IGSF10: variants seen among roughly 807,000 people sequenced by gnomAD.
IGSF10 encodes the protein calvaria mechanical force protein 608.
Under a neutral mutation model 128.2 loss-of-function variants are expected in IGSF10, and 126 were observed. The observed-to-expected ratio is 0.98, with a 90% CI of 0.85 to 1.14. The LOEUF (loss-of-function observed/expected upper bound fraction) is 1.14, where lower values mean the gene tolerates loss of function less well. Among genes scored for constraint, IGSF10 ranks in the 50% most tolerant of loss-of-function variants. IGSF10 has a pLI of 0.00. For missense variants in IGSF10, 3,295 were observed against 3,149.8 expected (o/e 1.05, Z -1.10); for synonymous variants, 1,185 against 1,146.2 (o/e 1.03, Z -0.68).
chr3:151,465,659 T>G (rs1274178288), upstream of IGSF10, among the ~76,000 whole-genome samples: 1 of 152,248 alleles, frequency 6.6e-6, no homozygotes, highest in African/African-American at 2.4e-5. Flanking sequence ...TTTTTCTGAT[T>G]TCTCCAGGAA....
chr3:151,507,333 A>G, the IGSF10 span, among the ~76,000 whole-genome samples: 125,218 of 152,096 alleles, frequency 0.82, 51,646 homozygotes, highest in Middle Eastern at 0.93. Flanking sequence ...GAAGACATTA[A>G]GGAAGCTACC....
In IGSF10 at chr3:151,443,775, G is replaced by A. The variant is rs369558105; in HGVS notation, c.5172C>T (p.Ser1724=). ...GGTCTGTGCCAAACAGATTGGATGCGGAACACAAGTACTGTCCGCGGTCCT... is the reference window on the plus strand; with the variant it reads ...GGTCTGTGCCAAACAGATTGGATGCAGAACACAAGTACTGTCCGCGGTCCT... ...EIQDRGQYLC[S]ASNLFGTDHL... Residue 1724 remains serine, a synonymous_variant, in exon 7 of 8, where the codon TCC becomes TCT. Coordinates refer to ENST00000282466, the MANE Select transcript of IGSF10 (RefSeq NM_178822.5). The A allele has an allele frequency of 2.5e-5, 41 of 1,614,000 alleles. No individual in the cohort carries two copies. The East Asian group carries it at 3.3e-4, about 13-fold the overall frequency.
In IGSF10 at chr3:151,448,528, G is replaced by C; in HGVS notation, c.1453C>G (p.His485Asp). The change falls in exon 6 of 8, where the codon CAT (histidine) becomes GAT (aspartate). Residue 485 changes from histidine (H) to aspartate (D), a missense_variant. Physicochemically the swap from His to Asp is moderately conservative, Grantham distance 81. Coordinates refer to ENST00000282466, the MANE Select transcript of IGSF10 (RefSeq NM_178822.5). ...ISRDNNTKLEHTVLVGGTVGL... is the reference protein window; with the variant it reads ...ISRDNNTKLEDTVLVGGTVGL... The stretch of plus-strand genomic sequence containing the variant: ...ACGGTTCCACCTACCAAGACAGTAT[G>C]TTCCAGCTTAGTATTGTTATCCCTT... The C allele has an allele frequency of 6.2e-7, 1 of 1,614,240 alleles. No individual in the cohort carries two copies. The highest frequency in any genetic ancestry group is 8.5e-7 in the Non-Finnish European group (1 of 1,180,054).
chr3:151,472,666 G>A, the IGSF10 span, among the ~76,000 whole-genome samples: 4 of 152,102 alleles, frequency 2.6e-5, no homozygotes, highest in Non-Finnish European at 5.9e-5. Flanking sequence ...TCACTGGAAG[G>A]CCTCATGCTT....
chr3:151,559,246 CGTACCTGAAG>C, the IGSF10 span, among the ~76,000 whole-genome samples: 5 of 152,130 alleles, frequency 3.3e-5, no homozygotes, highest in Non-Finnish European at 7.4e-5. Flanking sequence ...AGCACAGGCA[CGTACCTGAAG>C]GCAGAGTGTT....
the IGSF10 span, among the ~76,000 whole-genome samples, chr3:151,513,948 A>G: frequency 1.3e-5 from 2 of 152,322 alleles, no homozygotes; most frequent in Non-Finnish European, 1.5e-5. Context: ...AGAACTACCA[A>G]CCACTGCTCA....
At position 151,438,353 on chromosome 3, in the gene IGSF10, T is replaced by A. The variant is rs775309595; in HGVS notation, c.6208A>T (p.Ile2070Leu). The A allele has an allele frequency of 6.2e-7, 1 of 1,614,184 alleles. No homozygotes were observed. Among genetic ancestry groups the A allele is most frequent in the Admixed American group, 1.7e-5 (1 of 60,024 alleles). ...CKASGSPVPE[I>L]SWSLPDGTMI... ...GTTCCATCAGGCAAACTCCAAGATA[T>A]CTCTGGCACTGGGGAGCCGGAAGCT... The change falls in exon 8 of 8, where the codon ATA becomes TTA. Residue 2070 changes from isoleucine (I) to leucine (L), a missense_variant. Transcript: ENST00000282466.
intron 7 of IGSF10, chr3:151,440,784 AT>A (rs1489248863): frequency 8.3e-6 from 3 of 359,334 alleles, no homozygotes; most frequent in African/African-American, 4.2e-5. Context: ...GATTCTTAGA[AT>A]TTTCCGGATT....
the IGSF10 span, among the ~76,000 whole-genome samples, chr3:151,520,924 AGGC>A: frequency 6.7e-6 from 1 of 149,894 alleles, no homozygotes; most frequent in Non-Finnish European, 1.5e-5. Flanking sequence ...CCCACTTAAA[AGGC>A]ACAGAGTAGC....
chr3:151,436,326 C>A lies in IGSF10; in HGVS notation c.*363G>T. ...CATTGTCTCTGTTCTGAGTGCCATG[C>A]TTGTAACATTGATAGGAGGTGGACA... On this transcript the variant is annotated 3_prime_UTR_variant, in exon 8 of 8. Transcript: ENST00000282466. The A allele has an allele frequency of 5.6e-6, 1 of 177,338 alleles. No individual in the cohort carries two copies. Among genetic ancestry groups the A allele is most frequent in the Admixed American group, 5.5e-5 (1 of 18,300 alleles). The allele number at this position is 177,338 out of a possible 1,614,324, so 11.0% of individuals were successfully genotyped here.
At chr3:151,592,660 G>C in the IGSF10 span, among the ~76,000 whole-genome samples, 12 of 152,090 alleles carry the variant, frequency 7.9e-5, no homozygotes, top group African/African-American at 2.9e-4. Flanking sequence ...CCTGAGAATT[G>C]GTTTGGGTAA....
the IGSF10 span, among the ~76,000 whole-genome samples, chr3:151,504,845 T>C: frequency 6.6e-6 from 1 of 152,216 alleles, no homozygotes; most frequent in Non-Finnish European, 1.5e-5. Flanking sequence ...ACTGATAAGA[T>C]TTGGCTGAGA....
the IGSF10 span, among the ~76,000 whole-genome samples, chr3:151,522,832 G>C: frequency 1.3e-5 from 2 of 152,074 alleles, no homozygotes; most frequent in African/African-American, 4.8e-5. Context: ...GGAAGTTCTG[G>C]CCAGGACAAT....
the IGSF10 span, among the ~76,000 whole-genome samples, chr3:151,562,288 TA>T: frequency 2.6e-5 from 4 of 152,090 alleles, no homozygotes; most frequent in African/African-American, 7.2e-5. Context: ...ATATATGGTC[TA>T]AAAAAGGGGA....
At chr3:151,572,672 T>A in the IGSF10 span, among the ~76,000 whole-genome samples, 1 of 152,154 alleles carries the variant, frequency 6.6e-6, no homozygotes, top group African/African-American at 2.4e-5. Context: ...AAAAACAGCT[T>A]CTGGATTCAT....
the IGSF10 span, among the ~76,000 whole-genome samples, chr3:151,543,036 C>A: frequency 3.3e-5 from 5 of 152,134 alleles, no homozygotes; most frequent in Admixed American, 1.3e-4. Context: ...TTTATAAAAT[C>A]TCTCCTACTA....
At chr3:151,593,982 G>A in the IGSF10 span, among the ~76,000 whole-genome samples, 1 of 141,704 alleles carries the variant, frequency 7.1e-6, no homozygotes, top group Non-Finnish European at 1.6e-5. Flanking sequence ...ATGGGCTGAG[G>A]GAATGAATAC....
chr3:151,450,600 T>C (rs1721462751), intron 5 of IGSF10, among the ~76,000 whole-genome samples: 1 of 151,996 alleles, frequency 6.6e-6, no homozygotes, highest in African/African-American at 2.4e-5. Flanking sequence ...TGAACAATCA[T>C]AAGAGTTGCC....
intron 3 of IGSF10, among the ~76,000 whole-genome samples, chr3:151,457,827 A>C (rs576418014): frequency 1.0e-3 from 159 of 152,256 alleles, no homozygotes; most frequent in Non-Finnish European, 1.8e-3. Flanking sequence ...TGTATGCTCT[A>C]TTAGTTTTTA....
Sources: gnomAD v4.1 joint callset for allele counts (sites outside exome capture counted in the v4.1 genomes callset) on GRCh38, gnomAD v4.1.1 for gene constraint, MANE v1.5 for transcripts, NCBI Gene and HGNC (gene_info 2026-07-23, HGNC 2026-07-21) for gene names.